The following BMPR1B variants were observed in gnomAD, a reference collection of about 807,000 sequenced individuals.
BMPR1B encodes bone morphogenetic protein receptor type 1B, also known as bone morphogenetic protein receptor type-1B.
Under a neutral mutation model 59.1 loss-of-function variants are expected in BMPR1B, and 12 were observed. That is an observed-to-expected ratio of 0.20 (90% CI 0.13 to 0.33). The LOEUF (loss-of-function observed/expected upper bound fraction) is 0.33. BMPR1B is among the 10% of genes least tolerant of loss of function. BMPR1B has a pLI of 1.00. For missense variants in BMPR1B, 550 were observed against 610.9 expected (o/e 0.90, Z 1.05); for synonymous variants, 237 against 207.3 (o/e 1.14, Z -1.23).
At chr4:94,869,547 A>G (rs961064035) in intron 1 of BMPR1B, among the ~76,000 whole-genome samples, 7 of 152,180 alleles carry the variant, frequency 4.6e-5, no homozygotes, top group Admixed American at 2.6e-4. Flanking sequence ...CATATGGGCT[A>G]TACTTCATCC....
chr4:94,767,458 G>A (rs1219940971), intron 1 of BMPR1B, among the ~76,000 whole-genome samples: 1 of 152,144 alleles, frequency 6.6e-6, no homozygotes, highest in African/African-American at 2.4e-5. Context: ...CATAGTGGAT[G>A]CTCTAGTGGT....
At chr4:94,980,522 C>T (rs1261109546) in intron 2 of BMPR1B, among the ~76,000 whole-genome samples, 2 of 152,102 alleles carry the variant, frequency 1.3e-5, no homozygotes, top group African/African-American at 4.8e-5. Context: ...TGTGGGTTTC[C>T]TTTAGGTACT....
chr4:94,883,898 G>GTGTTGAATACCCA (rs925501107), intron 2 of BMPR1B, among the ~76,000 whole-genome samples: 2 of 152,106 alleles, frequency 1.3e-5, no homozygotes, highest in African/African-American at 4.8e-5. Flanking sequence ...CTTAGTAATT[G>GTGTTGAATACCCA]TGTTGAATAC....
intron 10 of BMPR1B, among the ~76,000 whole-genome samples, chr4:95,143,346 A>T (rs533181468): frequency 6.6e-6 from 1 of 152,356 alleles, no homozygotes; most frequent in South Asian, 2.1e-4. Context: ...GTCTCCTGGC[A>T]GAGTGAGTGG....
intron 3 of BMPR1B, among the ~76,000 whole-genome samples, chr4:95,071,227 G>T (rs1401436680): frequency 1.3e-5 from 2 of 151,990 alleles, no homozygotes; most frequent in African/African-American, 2.4e-5. Context: ...ATCTTGAACT[G>T]GTCTTCAATT....
At chr4:94,976,608 G>C (rs905714452) in intron 2 of BMPR1B, among the ~76,000 whole-genome samples, 17 of 152,252 alleles carry the variant, frequency 1.1e-4, no homozygotes, top group African/African-American at 4.1e-4. Flanking sequence ...CACAGATAAG[G>C]CTCCTTGGCT....
chr4:94,801,610 A>G (rs1490028599), intron 1 of BMPR1B, among the ~76,000 whole-genome samples: 4 of 152,188 alleles, frequency 2.6e-5, no homozygotes, highest in African/African-American at 4.8e-5. Context: ...CTATAGTACT[A>G]TTATTCCTAT....
At chr4:95,101,579 C>G (rs569173589) in intron 3 of BMPR1B, among the ~76,000 whole-genome samples, 1 of 152,204 alleles carries the variant, frequency 6.6e-6, no homozygotes, top group Non-Finnish European at 1.5e-5. Context: ...AGCTTTGCTT[C>G]TTAGCTTTCC....
chr4:95,015,966 C>T (rs541354697), intron 3 of BMPR1B, among the ~76,000 whole-genome samples: 15 of 152,216 alleles, frequency 9.9e-5, no homozygotes, highest in Non-Finnish European at 1.5e-4. Context: ...GTTGGGATTA[C>T]AGGCGTGAGC....
At chr4:95,020,225 T>G (rs191970920) in intron 3 of BMPR1B, among the ~76,000 whole-genome samples, 5 of 152,284 alleles carry the variant, frequency 3.3e-5, no homozygotes, top group African/African-American at 1.2e-4. Context: ...CACCAGGATC[T>G]AATGAGTAGA....
In BMPR1B at chr4:94,956,816, T is replaced by A. The variant is rs905162586; in HGVS notation, c.-112-39224T>A. On this transcript the variant is annotated intron_variant, in intron 2 of 12. Transcript: ENST00000515059. ...TAAAGAAAGAATTTAATTTTTTTTT[T>A]AACTCTTCAAAAAGGCTCAGTTTCA... Among the ~76,000 whole-genome samples, 8 of 152,132 alleles carry A rather than the reference T, an allele frequency of 5.3e-5. 1 individual carries two copies. Among genetic ancestry groups the A allele is most frequent in the African/African-American group, 1.9e-4 (8 of 41,484 alleles).
At chr4:95,136,549 T>C (rs1733804571) in intron 10 of BMPR1B, among the ~76,000 whole-genome samples, 1 of 152,186 alleles carries the variant, frequency 6.6e-6, no homozygotes, top group Non-Finnish European at 1.5e-5. Flanking sequence ...CTAGACTTTT[T>C]TTCGTTGGTA....
intron 1 of BMPR1B, among the ~76,000 whole-genome samples, chr4:94,861,006 C>G (rs1170092565): frequency 6.6e-6 from 1 of 151,392 alleles, no homozygotes; most frequent in African/African-American, 2.4e-5. Context: ...ATGTCTTTCT[C>G]TTTCACGAGA....
intron 1 of BMPR1B, among the ~76,000 whole-genome samples, chr4:94,826,574 T>A (rs913831329): frequency 2.0e-5 from 3 of 152,158 alleles, no homozygotes; most frequent in African/African-American, 7.2e-5. Context: ...ACTTTTTTTT[T>A]TATTCAATTA....
chr4:94,929,985 G>A (rs1729032479), intron 2 of BMPR1B, among the ~76,000 whole-genome samples: 3 of 151,966 alleles, frequency 2.0e-5, no homozygotes, highest in African/African-American at 2.4e-5. Flanking sequence ...ACTTCTCTGT[G>A]TCTTCAACTC....
At chr4:95,042,188 G>A (rs753273216) in intron 3 of BMPR1B, among the ~76,000 whole-genome samples, 6 of 152,064 alleles carry the variant, frequency 3.9e-5, no homozygotes, top group African/African-American at 1.4e-4. Flanking sequence ...CACCTAATAC[G>A]GTAAGTGGAA....
intron 1 of BMPR1B, among the ~76,000 whole-genome samples, chr4:94,768,380 A>AC (rs1379350236): frequency 6.6e-6 from 1 of 152,000 alleles, no homozygotes; most frequent in African/African-American, 2.4e-5. Flanking sequence ...AACAACAACA[A>AC]AAAACCTCTG....
intron 2 of BMPR1B, among the ~76,000 whole-genome samples, chr4:94,893,692 G>A (rs1727482582): frequency 6.6e-6 from 1 of 151,918 alleles, no homozygotes; most frequent in African/African-American, 2.4e-5. Context: ...GACTTGAGGT[G>A]AAATTTCTTG....
intron 1 of BMPR1B, among the ~76,000 whole-genome samples, chr4:94,760,579 A>G (rs551572832): frequency 2.6e-5 from 4 of 152,260 alleles, no homozygotes; most frequent in African/African-American, 9.6e-5. Context: ...ACCTACTCCA[A>G]CCTAGCAGAG....
Sources: allele counts gnomAD v4.1 joint callset (sites outside exome capture counted in the v4.1 genomes callset), GRCh38; gene constraint gnomAD v4.1.1; transcripts MANE v1.5; gene names NCBI Gene and HGNC (gene_info 2026-07-23, HGNC 2026-07-21).